Variants in CADPS2 observed in about 807,000 individuals in gnomAD.
The protein encoded by CADPS2 is calcium dependent secretion activator 2.
A neutral mutation model predicts 172.5 loss-of-function variants in CADPS2; 93 were observed. The observed-to-expected ratio is 0.54, with a 90% CI of 0.46 to 0.64. CADPS2 has a LOEUF of 0.64. Among genes scored for constraint, CADPS2 ranks in the 30% least tolerant of loss-of-function variants. The probability of loss-of-function intolerance (pLI) is 0.00; values close to 1 mark genes in which losing one functional copy is unlikely to be tolerated. For missense variants in CADPS2, 1,420 were observed against 1,565.9 expected (o/e 0.91, Z 1.57); for synonymous variants, 546 against 555.2 (o/e 0.98, Z 0.23).
intron 2 of CADPS2, among the ~76,000 whole-genome samples, chr7:122,704,279 G>A (rs1316997069): frequency 6.6e-6 from 1 of 151,450 alleles, no homozygotes; most frequent in African/African-American, 2.4e-5. Flanking sequence ...CTAGGAAACA[G>A]TCTACTTGTC....
chr7:122,639,582 C>A (rs552034736), intron 3 of CADPS2, among the ~76,000 whole-genome samples: 46 of 152,260 alleles, frequency 3.0e-4, no homozygotes, highest in African/African-American at 1.1e-3. Context: ...CCATGAATAA[C>A]CACCATAAAG....
At chr7:122,777,489 T>C (rs905547581) in intron 1 of CADPS2, among the ~76,000 whole-genome samples, 1 of 152,154 alleles carries the variant, frequency 6.6e-6, no homozygotes, top group African/African-American at 2.4e-5. Flanking sequence ...ATGACATCTC[T>C]TAAACGGGCT....
chr7:122,663,774 G>T (rs944303701), intron 2 of CADPS2, among the ~76,000 whole-genome samples: 6 of 152,152 alleles, frequency 3.9e-5, no homozygotes, highest in African/African-American at 1.4e-4. Flanking sequence ...AAATGTGTAG[G>T]AGACACAGTA....
intron 1 of CADPS2, among the ~76,000 whole-genome samples, chr7:122,846,249 A>ACC (rs1005127779): frequency 2.6e-5 from 4 of 152,226 alleles, no homozygotes; most frequent in Non-Finnish European, 4.4e-5. Flanking sequence ...AAAAAGATAT[A>ACC]AAACTGATTT....
intron 2 of CADPS2, among the ~76,000 whole-genome samples, chr7:122,683,277 G>C (rs768344542): frequency 6.6e-6 from 1 of 152,182 alleles, no homozygotes. Context: ...TCAGCCACTT[G>C]TATCCCTGAT....
intron 3 of CADPS2, among the ~76,000 whole-genome samples, chr7:122,631,039 A>G (rs2076530951): frequency 6.6e-6 from 1 of 152,180 alleles, no homozygotes; most frequent in Admixed American, 6.6e-5. Flanking sequence ...CGTAATTATG[A>G]AGAAAAATAA....
At chr7:122,631,344 A>G (rs905764972) in intron 3 of CADPS2, among the ~76,000 whole-genome samples, 4 of 152,222 alleles carry the variant, frequency 2.6e-5, no homozygotes, top group African/African-American at 4.8e-5. Flanking sequence ...TTTTGTATCT[A>G]TATCTCCAGA....
Position 122,709,620 on chromosome 7 carries a change from C to T in CADPS2, c.453+27335G>A, listed in dbSNP as rs538261881. On this transcript the variant is annotated intron_variant, in intron 2 of 29. Transcript: ENST00000449022. ...GACACATGCACACGTATGTTTATTG[C>T]GGCACTATTCACAATAGCAAAGACT... Among the ~76,000 whole-genome samples the T allele has an allele frequency of 1.3e-3, 190 of 151,772 alleles. 1 individual carries two copies. The highest frequency in any genetic ancestry group is 4.8e-3 in the South Asian group (23 of 4,794).
chr7:122,497,783 T>A (rs2058860304), intron 9 of CADPS2, among the ~76,000 whole-genome samples: 2 of 152,232 alleles, frequency 1.3e-5, no homozygotes, highest in South Asian at 2.1e-4. Context: ...TTTTGAAATA[T>A]CTGAATATTT....
chr7:122,723,648 T>C (rs2090744655), intron 2 of CADPS2, among the ~76,000 whole-genome samples: 2 of 152,160 alleles, frequency 1.3e-5, no homozygotes, highest in Non-Finnish European at 2.9e-5. Context: ...GAACTAGAAA[T>C]ACCATTTGAC....
At chr7:122,838,960 T>C (rs1360432379) in intron 1 of CADPS2, among the ~76,000 whole-genome samples, 5 of 152,128 alleles carry the variant, frequency 3.3e-5, no homozygotes, top group Non-Finnish European at 5.9e-5. Context: ...AAAAAGAGCC[T>C]GTATTGCCAA....
At position 122,414,063 on chromosome 7, in the gene CADPS2, C is replaced by T; in HGVS notation, c.2589+5G>A. 6.4e-7 allele frequency: 1 copy of T among 1,551,372 alleles called. No homozygotes were observed. The highest frequency in any genetic ancestry group is 8.6e-7 in the Non-Finnish European group (1 of 1,161,024). ...TAATAAAATAGTGGAAATCATTTTA[C>T]TCACCTCTCTTCCCTGAGGGTTTCC... On this transcript the variant is annotated splice_donor_5th_base_variant and intron_variant, in intron 19 of 29. Transcript: ENST00000449022.
chr7:122,636,807 A>G (rs1045466976), intron 3 of CADPS2, among the ~76,000 whole-genome samples: 1 of 151,916 alleles, frequency 6.6e-6, no homozygotes, highest in Non-Finnish European at 1.5e-5. Flanking sequence ...AACTTGGTGA[A>G]TCTGATGGCT....
rs535321792 is a variant in CADPS2, at chr7:122,474,696, A to T, written c.1862-179T>A. On this transcript the variant is annotated intron_variant, in intron 12 of 29. Coordinates refer to ENST00000449022, the MANE Select transcript of CADPS2 (RefSeq NM_017954.11). ...TTGCAAACTTTATGAAGCCTAAGTA[A>T]AAACAACAGCAAAAAATCTACAAAT... 4.6e-5 allele frequency among the ~76,000 whole-genome samples: 7 copies of T among 152,200 alleles called. No individual in the cohort carries two copies. The South Asian group carries it at 1.5e-3, about 32-fold the overall frequency.
At chr7:122,483,671 C>T (rs1340656761) in intron 11 of CADPS2, among the ~76,000 whole-genome samples, 1 of 151,908 alleles carries the variant, frequency 6.6e-6, no homozygotes, top group Non-Finnish European at 1.5e-5. Flanking sequence ...GGATTTACCA[C>T]ATATATAGAA....
chr7:122,751,539 C>T (rs1210168814), intron 1 of CADPS2, among the ~76,000 whole-genome samples: 1 of 152,114 alleles, frequency 6.6e-6, no homozygotes, highest in Non-Finnish European at 1.5e-5. Context: ...TTTGTCAAAA[C>T]CTACAAGAAT....
intron 7 of CADPS2, among the ~76,000 whole-genome samples, chr7:122,579,964 C>A (rs1430160163): frequency 1.3e-5 from 2 of 152,024 alleles, no homozygotes; most frequent in Non-Finnish European, 2.9e-5. Context: ...AGAAAAGGGT[C>A]TGAAACTAAT....
chr7:122,585,940 A>G (rs1331226837), intron 6 of CADPS2, among the ~76,000 whole-genome samples: 1 of 151,988 alleles, frequency 6.6e-6, no homozygotes, highest in Non-Finnish European at 1.5e-5. Flanking sequence ...GACTTATCCT[A>G]TCAAAATAAT....
At chr7:122,322,702 A>T (rs1210993034) in intron 29 of CADPS2, among the ~76,000 whole-genome samples, 1 of 152,168 alleles carries the variant, frequency 6.6e-6, no homozygotes, top group Non-Finnish European at 1.5e-5. Flanking sequence ...TTTGCAAATA[A>T]TTTCAGTCTT....
Sources: allele counts gnomAD v4.1 joint callset (sites outside exome capture counted in the v4.1 genomes callset), GRCh38; gene constraint gnomAD v4.1.1; transcripts MANE v1.5; gene names NCBI Gene and HGNC (gene_info 2026-07-23, HGNC 2026-07-21).